Variants in UPF2 observed in about 807,000 individuals in gnomAD.
UPF2 encodes the protein regulator of nonsense transcripts 2.
A neutral mutation model predicts 141.4 loss-of-function variants in UPF2; 17 were observed. That is an observed-to-expected ratio of 0.12 (90% CI 0.08 to 0.18). UPF2 has a LOEUF of 0.18. Among genes scored for constraint, UPF2 ranks in the 10% least tolerant of loss-of-function variants. UPF2 has a pLI of 1.00. For missense variants in UPF2, 1,152 were observed against 1,515.9 expected (o/e 0.76, Z 3.99); for synonymous variants, 540 against 498.0 (o/e 1.08, Z -1.12).
chr10:11,963,685 T>G (rs1833274885), intron 11 of UPF2, among the ~76,000 whole-genome samples: 1 of 152,232 alleles, frequency 6.6e-6, no homozygotes, highest in South Asian at 2.1e-4. Flanking sequence ...CACCAAAACA[T>G]TCATAACATA....
rs776549037 is a variant in UPF2 at position 12,004,577 on chromosome 10, T to A, written c.1457A>T (p.Asn486Ile). Residue 486 changes from asparagine to isoleucine, a missense_variant, in exon 5 of 22, where the codon AAT becomes ATT. Asn to Ile is a moderately radical substitution (Grantham distance 149). Transcript: ENST00000357604. ...AFVPAILFKD[N>I]EKSCQNKESN... ...CTCTTTATTCTGACAACTTTTTTCA[T>A]TGTCTTTAAACAAGATGGCTGGGAC... 6.2e-7 allele frequency: 1 copy of A among 1,613,814 alleles called. No individual in the cohort carries two copies. Among genetic ancestry groups the A allele is most frequent in the Non-Finnish European group, 8.5e-7 (1 of 1,179,876 alleles).
intron 16 of UPF2, among the ~76,000 whole-genome samples, chr10:11,946,507 A>C (rs1486320671): frequency 1.3e-5 from 2 of 152,230 alleles, no homozygotes; most frequent in African/African-American, 2.4e-5. Flanking sequence ...AATTTCCCCA[A>C]AACACTTAAG....
At position 11,935,945 on chromosome 10, in the gene UPF2, G is replaced by A; in HGVS notation, c.3546+600C>T. ...AGAAGGGTTGGTGTGATTTTCAACT[G>A]ACGGCAGCCGAGCCTCTTCCTGAGC... On this transcript the variant is annotated intron_variant, in intron 19 of 21. Transcript: ENST00000357604. The surrounding 1 kb of genome is among the most constrained non-coding windows in gnomAD (Gnocchi z 4.9). Among the ~76,000 whole-genome samples, 1 of 152,326 alleles carries A rather than the reference G, an allele frequency of 6.6e-6. No homozygotes were observed. The highest frequency in any genetic ancestry group is 2.1e-4 in the South Asian group (1 of 4,826).
Position 11,956,831 on chromosome 10 carries a change from T to C in UPF2, c.2371-308A>G, listed in dbSNP as rs972880203. 3.9e-5 allele frequency among the ~76,000 whole-genome samples: 6 copies of C among 152,078 alleles called. No homozygotes were observed. The highest frequency in any genetic ancestry group is 9.7e-5 in the African/African-American group (4 of 41,404). ...TCAGGAGTTTGGAGTAGGTTTCTTT[T>C]TCCCCCCCAGACACAGTCTCACTCT... On this transcript the variant is annotated intron_variant, in intron 12 of 21. Coordinates refer to ENST00000357604, the MANE Select transcript of UPF2 (RefSeq NM_015542.4). This position sits in a 1 kb window ranked among gnomAD's most constrained non-coding sequence, Gnocchi z 4.2.
chr10:11,938,207 C>G (rs1270670800), intron 18 of UPF2, among the ~76,000 whole-genome samples: 7 of 152,062 alleles, frequency 4.6e-5, no homozygotes, highest in Non-Finnish European at 8.8e-5. Context: ...CATATTTTTT[C>G]TTCTGTTTAA....
intron 9 of UPF2, among the ~76,000 whole-genome samples, chr10:11,970,279 A>G (rs1425861752): frequency 6.6e-6 from 1 of 152,232 alleles, no homozygotes. Flanking sequence ...TGACAGGGTA[A>G]AATGCTTCCG....
intron 18 of UPF2, among the ~76,000 whole-genome samples, chr10:11,942,424 A>C (rs1421968856): frequency 6.6e-6 from 1 of 152,180 alleles, no homozygotes; most frequent in Non-Finnish European, 1.5e-5. Context: ...AGATTGGCAC[A>C]ATGAAATTAT....
intron 3 of UPF2, among the ~76,000 whole-genome samples, chr10:12,020,953 A>T (rs1834307324): frequency 6.6e-6 from 1 of 152,222 alleles, no homozygotes; most frequent in Admixed American, 6.5e-5. Flanking sequence ...CCTTCACCAC[A>T]GAACTGTTTA....
At chr10:11,983,667 C>A (rs779534298) in intron 8 of UPF2, among the ~76,000 whole-genome samples, 1 of 152,154 alleles carries the variant, frequency 6.6e-6, no homozygotes. Flanking sequence ...CCACCGTGCC[C>A]GGCCTTGGAT....
intron 21 of UPF2, among the ~76,000 whole-genome samples, chr10:11,925,814 CAGG>C (rs2131145599): frequency 1.3e-5 from 2 of 152,316 alleles, no homozygotes; most frequent in South Asian, 4.1e-4. Flanking sequence ...GAAAGAACAG[CAGG>C]AGATGAAGCC....
chr10:11,968,525 G>A (rs1018563939), intron 9 of UPF2, among the ~76,000 whole-genome samples: 1 of 152,176 alleles, frequency 6.6e-6, no homozygotes, highest in African/African-American at 2.4e-5. Flanking sequence ...AGGCTGGCTA[G>A]TGCATTGTAA....
rs541223905 is a variant in UPF2 at position 11,992,905 on chromosome 10, T to C, written c.1844+4767A>G. 6.6e-6 allele frequency among the ~76,000 whole-genome samples: 1 copy of C among 152,260 alleles called. No individual in the cohort carries two copies. Among genetic ancestry groups the C allele is most frequent in the South Asian group, 2.1e-4 (1 of 4,822 alleles). Reference sequence around the variant, plus strand: ...GGCTCACACTTGTAATCCCAGCACTTTGGGAGGCCAAGGCGAGTGAATCAC... The same window carrying C: ...GGCTCACACTTGTAATCCCAGCACTCTGGGAGGCCAAGGCGAGTGAATCAC... On this transcript the variant is annotated intron_variant, in intron 8 of 21. Coordinates refer to ENST00000357604, the MANE Select transcript of UPF2 (RefSeq NM_015542.4). The surrounding 1 kb of genome is among the most constrained non-coding windows in gnomAD (Gnocchi z 4.1).
At chr10:12,021,877 G>A (rs1273616678) in intron 3 of UPF2, among the ~76,000 whole-genome samples, 1 of 152,112 alleles carries the variant, frequency 6.6e-6, no homozygotes, top group Non-Finnish European at 1.5e-5. Flanking sequence ...TGGATGCAGT[G>A]GCTCACGTCT....
chr10:11,972,063 CAAAAAAAAAAA>C (rs58355538), intron 9 of UPF2, among the ~76,000 whole-genome samples: 2 of 101,032 alleles, frequency 2.0e-5, no homozygotes, highest in African/African-American at 3.6e-5. Flanking sequence ...GACTCTGTCT[CAAAAAAAAAAA>C]AAAAAAAACA....
chr10:11,990,183 T>C (rs1434558980), intron 8 of UPF2, among the ~76,000 whole-genome samples: 1 of 152,216 alleles, frequency 6.6e-6, no homozygotes, highest in Non-Finnish European at 1.5e-5. Flanking sequence ...AGGGCAGATC[T>C]TCAAATATGC....
intron 8 of UPF2, among the ~76,000 whole-genome samples, chr10:11,984,051 G>A (rs1020688716): frequency 1.3e-5 from 2 of 152,048 alleles, no homozygotes; most frequent in African/African-American, 2.4e-5. Context: ...AGCCTCCTGA[G>A]TAGCTGGGAT....
chr10:12,020,480 A>G (rs568275955), intron 3 of UPF2, among the ~76,000 whole-genome samples: 1 of 152,212 alleles, frequency 6.6e-6, no homozygotes, highest in South Asian at 2.1e-4. Context: ...CGAATTCCCA[A>G]CCTCAGGTGA....
At chr10:11,975,698 A>G (rs1833495798) in intron 9 of UPF2, among the ~76,000 whole-genome samples, 1 of 146,476 alleles carries the variant, frequency 6.8e-6, no homozygotes. Flanking sequence ...TTTTTTTTTT[A>G]GGGAGACGGA....
At position 11,948,371 on chromosome 10, in the gene UPF2, C is replaced by T. The variant is rs1417287649; in HGVS notation, c.3172G>A (p.Glu1058Lys). The T allele has an allele frequency of 6.3e-7, 1 of 1,578,084 alleles. No homozygotes were observed. The highest frequency in any genetic ancestry group is 1.9e-5 in the Admixed American group (1 of 53,228). The change falls in exon 16 of 22, where the codon GAG (glutamate) becomes AAG (lysine). Residue 1058 changes from glutamate (E) to lysine (K), a missense_variant and splice_region_variant. Coordinates refer to ENST00000357604, the MANE Select transcript of UPF2 (RefSeq NM_015542.4). ...TTGCTACATATAAAAGTCATCACCT[C>T]TTCTTCTGGCTCATTTACTTCACTT... ...NESEVNEPEEEEGSDNDDDEG... is the reference protein window; with the variant it reads ...NESEVNEPEEKEGSDNDDDEG...
Sources: gnomAD v4.1 joint callset for allele counts (sites outside exome capture counted in the v4.1 genomes callset) on GRCh38, gnomAD v4.1.1 for gene constraint, Gnocchi (gnomAD v3.1) non-coding constraint, MANE v1.5 for transcripts, NCBI Gene and HGNC (gene_info 2026-07-23, HGNC 2026-07-21) for gene names.